MTF1: variants seen among roughly 807,000 people sequenced by gnomAD.
MTF1 encodes the protein MRE-binding transcription factor.
A neutral mutation model predicts 70.4 loss-of-function variants in MTF1; 22 were observed. That is an observed-to-expected ratio of 0.31 (90% CI 0.22 to 0.45). MTF1 has a LOEUF of 0.45. Among genes scored for constraint, MTF1 ranks in the 20% least tolerant of loss-of-function variants. The pLI, the probability that MTF1 is intolerant of heterozygous loss-of-function variation, is 1.00. For synonymous variants in MTF1, 333 were observed against 352.8 expected (o/e 0.94, Z 0.63); for missense variants, 649 against 922.0 (o/e 0.70, Z 3.83).
chr1:37,818,703 C>CA (rs1173279110), intron 9 of MTF1, among the ~76,000 whole-genome samples: 54 of 119,808 alleles, frequency 4.5e-4, no homozygotes, highest in South Asian at 1.1e-3. Context: ...GACTCCATCT[C>CA]AAAAAAAAAG....
At chr1:37,821,966 T>C (rs1640916898) in intron 9 of MTF1, among the ~76,000 whole-genome samples, 155 bp downstream of exon 9, 1 of 152,218 alleles carries the variant, frequency 6.6e-6, no homozygotes. Flanking sequence ...CCTACGTTTA[T>C]ACCACTTGAT....
At position 37,810,094 on chromosome 1, in the gene MTF1, C is replaced by T. The variant is rs1245844008; in HGVS notation, c.*5042G>A. 6.6e-6 allele frequency: 1 copy of T among 152,226 alleles called. No individual in the cohort carries two copies. The highest frequency in any genetic ancestry group is 2.4e-5 in the African/African-American group (1 of 41,396). 9.4% of individuals were successfully genotyped at this position (152,226 alleles called of 1,614,324 possible). On this transcript the variant is annotated 3_prime_UTR_variant, in exon 11 of 11. Coordinates refer to ENST00000373036, the MANE Select transcript of MTF1 (RefSeq NM_005955.3). The stretch of plus-strand genomic sequence containing the variant: ...CTCTGACCCCCACCCCCACATTCTC[C>T]AAAACACAACGAAGGATGTAGACTG...
chr1:37,852,110 G>A (rs1641426167), intron 2 of MTF1, among the ~76,000 whole-genome samples: 1 of 152,008 alleles, frequency 6.6e-6, no homozygotes, highest in Non-Finnish European at 1.5e-5. Context: ...CACTGCAGTC[G>A]ACCCATCTCT....
chr1:37,857,110 T>C, intron 2 of MTF1, 141 bp downstream of exon 2: 2 of 732,698 alleles, frequency 2.7e-6, no homozygotes, highest in Non-Finnish European at 2.2e-6. Context: ...CAACAAAACC[T>C]GAGGCATATG....
At chr1:37,828,235 C>T (rs1382669472) in intron 7 of MTF1, 3 of 335,304 alleles carry the variant, frequency 8.9e-6, no homozygotes, top group Admixed American at 3.8e-5. Context: ...TGGTTGTCTG[C>T]AGGGAGAGAT....
intron 1 of MTF1, among the ~76,000 whole-genome samples, chr1:37,858,173 T>C (rs1557601610): frequency 6.6e-6 from 1 of 152,224 alleles, no homozygotes; most frequent in Non-Finnish European, 1.5e-5. Context: ...GCTGAAAGGC[T>C]GAGTTGCTAC....
intron 9 of MTF1, among the ~76,000 whole-genome samples, chr1:37,818,997 CAA>C (rs71891056): frequency 2.3e-4 from 32 of 138,114 alleles, no homozygotes; most frequent in South Asian, 6.8e-4. Flanking sequence ...CGTGTCAAAA[CAA>C]AAAAAAAAAA....
At chr1:37,850,146 C>T (rs1641393614) in intron 2 of MTF1, among the ~76,000 whole-genome samples, 2 of 144,044 alleles carry the variant, frequency 1.4e-5, no homozygotes, top group South Asian at 4.5e-4. Flanking sequence ...GCTGAGGTGG[C>T]AGGACGGCTT....
intron 1 of MTF1, chr1:37,858,679 C>G (rs1174281444): frequency 6.6e-6 from 1 of 152,164 alleles, no homozygotes; most frequent in Non-Finnish European, 1.5e-5. Flanking sequence ...TAGCATAGTA[C>G]ACTGATACTA....
In MTF1 at chr1:37,835,146, C is replaced by A. The variant is rs751656420; in HGVS notation, c.923G>T (p.Ser308Ile). ...KTFSTQYSLK[S>I]HMKGHDNKGH... ...TTTGTTATCATGACCTTTCATGTGACTTTTGAGACTGTATTGAGTGCTGAA... is the reference window on the plus strand; with the variant it reads ...TTTGTTATCATGACCTTTCATGTGAATTTTGAGACTGTATTGAGTGCTGAA... Residue 308 changes from serine (S) to isoleucine (I), a missense_variant, in exon 6 of 11, where the codon AGT (serine) becomes ATT (isoleucine). By Grantham distance (142) the Ser-to-Ile change is moderately radical (BLOSUM62 -2). This residue lies in a region of MTF1 where 118 missense variants were observed against 287.2 expected (regional missense o/e 0.41). Transcript: ENST00000373036. 5 of 1,613,920 alleles carry A rather than the reference C, an allele frequency of 3.1e-6. No homozygotes were observed. The South Asian group carries it at 5.5e-5, about 18-fold the overall frequency.
chr1:37,852,037 C>A (rs2148422063), intron 2 of MTF1, among the ~76,000 whole-genome samples: 1 of 152,272 alleles, frequency 6.6e-6, no homozygotes, highest in African/African-American at 2.4e-5. Flanking sequence ...CTCCTCAATC[C>A]CTCTGCAGGG....
chr1:37,828,515 G>C (rs1641038266), intron 7 of MTF1, among the ~76,000 whole-genome samples: 1 of 152,132 alleles, frequency 6.6e-6, no homozygotes, highest in Non-Finnish European at 1.5e-5. Context: ...ATGCTGGCCA[G>C]GCTGGTCTCA....
rs930524517 is a variant in MTF1, at chr1:37,838,868, A to G, written c.648-112T>C. ...CGCCCAGGCTGGAGTGCAATGGCGC[A>G]GTCTCGGCTCACTGCAACCTCCTCC... On this transcript the variant is annotated intron_variant, in intron 3 of 10. Coordinates refer to ENST00000373036, the MANE Select transcript of MTF1 (RefSeq NM_005955.3). 3.6e-6 allele frequency: 3 copies of G among 843,902 alleles called. No individual in the cohort carries two copies. In the African/African-American group the frequency reaches 5.4e-5, roughly 15 times the overall value. 52.3% of individuals were successfully genotyped at this position (843,902 alleles called of 1,614,324 possible). A position where few individuals can be genotyped will look rare whatever the true frequency, so the allele number is the denominator to read the frequency against.
chr1:37,842,466 T>C (rs987889719), intron 2 of MTF1, among the ~76,000 whole-genome samples: 1 of 152,260 alleles, frequency 6.6e-6, no homozygotes, highest in African/African-American at 2.4e-5. Flanking sequence ...CCTATTTTCC[T>C]TGACTATTCG....
intron 1 of MTF1, among the ~76,000 whole-genome samples, chr1:37,858,333 G>A (rs367710791): frequency 6.6e-6 from 1 of 152,176 alleles, no homozygotes; most frequent in Non-Finnish European, 1.5e-5. Context: ...TTACTACATG[G>A]GTAACTTTTC....
Position 37,837,301 on chromosome 1 carries a change from C to G in MTF1, c.779+1324G>C, listed in dbSNP as rs148919475. Among the ~76,000 whole-genome samples, 726 of 152,194 alleles carry G rather than the reference C, an allele frequency of 4.8e-3. 11 individuals are homozygous for G. The highest frequency in any genetic ancestry group is 0.016 in the African/African-American group (650 of 41,518). ...TGAACTCCTGGGCTCAAGTGATCCT[C>G]CCACCTCAGTCTCCCAAAGCACTGG... is the stretch of plus-strand genomic sequence containing the variant. On this transcript the variant is annotated intron_variant, in intron 4 of 10. Transcript: ENST00000373036.
Position 37,832,301 on chromosome 1 carries a change from G to A in MTF1, c.1012C>T (p.Leu338=). 1 of 1,612,986 alleles carries A rather than the reference G, an allele frequency of 6.2e-7. No homozygotes were observed. Among genetic ancestry groups the A allele is most frequent in the East Asian group, 2.2e-5 (1 of 44,848 alleles). The change falls in exon 7 of 11, where the codon CTA becomes TTA. Residue 338 remains leucine (L), a synonymous_variant. Transcript: ENST00000373036. ...GSEDTNHSLC[L]SDLSLLSTDS... ...GTGGACAGAAGGCTCAAGTCACTTA[G>A]ACAAAGTGAGTGATTTGTATCCTGT...
chr1:37,814,898 A>C lies in MTF1; in HGVS notation c.*238T>G, dbSNP rs1640790846. ...GCAAAAGTGACATACAGTGCAGCCAAACAGTTCACTTATAACTTAGCTTTT... is the reference window on the plus strand; with the variant it reads ...GCAAAAGTGACATACAGTGCAGCCACACAGTTCACTTATAACTTAGCTTTT... On this transcript the variant is annotated 3_prime_UTR_variant, in exon 11 of 11. Transcript: ENST00000373036. 2.0e-6 allele frequency: 1 copy of C among 499,926 alleles called. No individual in the cohort carries two copies. Among genetic ancestry groups the C allele is most frequent in the Non-Finnish European group, 3.6e-6 (1 of 280,918 alleles). 31.0% of individuals were successfully genotyped at this position (499,926 alleles called of 1,614,324 possible). A position where few individuals can be genotyped will look rare whatever the true frequency, so the allele number is the denominator to read the frequency against.
rs1640952672 is a variant in MTF1 at position 37,823,619 on chromosome 1, C to A, written c.1171+91G>T. 5 of 981,064 alleles carry A rather than the reference C, an allele frequency of 5.1e-6. No individual in the cohort carries two copies. In the South Asian group the frequency reaches 7.4e-5, roughly 14 times the overall value. 60.8% of individuals were successfully genotyped at this position (981,064 alleles called of 1,614,324 possible). On this transcript the variant is annotated intron_variant, in intron 8 of 10. Transcript: ENST00000373036. ...CTGACCCTTTATAGAAAGCTCACTT[C>A]ATTTACGCTAACTAGAATGATTCAT...
Sources: gnomAD v4.1 joint callset for allele counts (sites outside exome capture counted in the v4.1 genomes callset) on GRCh38, gnomAD v4.1.1 for gene constraint, gnomAD v4.1.1 regional missense constraint, MANE v1.5 for transcripts, NCBI Gene and HGNC (gene_info 2026-07-23, HGNC 2026-07-21) for gene names.